Variants in KMT2C observed in about 807,000 individuals in gnomAD.
KMT2C encodes lysine methyltransferase 2C.
KMT2C carries 88 observed loss-of-function variants against 507.9 expected under a neutral mutation model. That is an observed-to-expected ratio of 0.17 (90% CI 0.15 to 0.21). The LOEUF (loss-of-function observed/expected upper bound fraction) is 0.21. Among genes scored for constraint, KMT2C ranks in the 10% least tolerant of loss-of-function variants. The pLI is 1.00. For synonymous variants in KMT2C, 2,049 were observed against 2,080.8 expected (o/e 0.98, Z 0.42); for missense variants, 4,954 against 5,957.8 (o/e 0.83, Z 5.55).
intron 14 of KMT2C, among the ~76,000 whole-genome samples, chr7:152,240,357 T>C (rs1243130528): frequency 6.6e-6 from 1 of 152,266 alleles, no homozygotes; most frequent in Non-Finnish European, 1.5e-5. Context: ...GCAGTCCACC[T>C]GTGGATATTT....
chr7:152,199,795 G>T (rs114732456), intron 26 of KMT2C, among the ~76,000 whole-genome samples: 1,809 of 152,220 alleles, frequency 0.012, 40 homozygotes, highest in African/African-American at 0.042. Context: ...GACAGCATAA[G>T]ACTTTGATCT....
At position 152,181,727 on chromosome 7, in the gene KMT2C, T is replaced by A. The variant is rs2093440787; in HGVS notation, c.6133A>T (p.Thr2045Ser). 1 of 1,613,674 alleles carries A rather than the reference T, an allele frequency of 6.2e-7. No homozygotes were observed. The highest frequency in any genetic ancestry group is 1.3e-5 in the African/African-American group (1 of 74,868). Residue 2045 changes from threonine (T) to serine (S), a missense_variant, in exon 36 of 59, where the codon ACT becomes TCT. Transcript: ENST00000262189. ...PLDSGPGPFK[T>S]PMQPPPSSQD... ...GAGGATGGAGGAGGTTGCATTGGAG[T>A]CTTAAAAGGTCCAGGACCACTATCA... is the stretch of plus-strand genomic sequence containing the variant.
At position 152,435,863 on chromosome 7, in the gene KMT2C, C is replaced by CGCT. The variant is rs1168596547; in HGVS notation, c.-80_-78dup. ...CCGCCGCCGCGGCCGCCGCCGCCGC[C>CGCT]GCTGCTGCTCGGGTTCCTCCTCCCC... On this transcript the variant is annotated 5_prime_UTR_variant, in exon 1 of 59. Coordinates refer to ENST00000262189, the MANE Select transcript of KMT2C (RefSeq NM_170606.3). The CGCT allele has an allele frequency of 2.4e-3, 3,146 of 1,309,638 alleles. 73 individuals carry two copies. The African/African-American group carries it at 0.043, about 18-fold the overall frequency. 81.1% of individuals were successfully genotyped at this position (1,309,638 alleles called of 1,614,324 possible). A position where few individuals can be genotyped will look rare whatever the true frequency, so the allele number is the denominator to read the frequency against.
At chr7:152,377,025 A>AAAATAATAAAT (rs71294472) in intron 1 of KMT2C, among the ~76,000 whole-genome samples, 17,950 of 150,920 alleles carry the variant, frequency 0.12, 1,731 homozygotes, top group African/African-American at 0.36. Flanking sequence ...GTCTCTTTTA[A>AAAATAATAAAT]AAATAATAAA....
chr7:152,202,584 T>A (rs1384940243), intron 26 of KMT2C, among the ~76,000 whole-genome samples: 1 of 152,210 alleles, frequency 6.6e-6, no homozygotes, highest in Non-Finnish European at 1.5e-5. Context: ...ATGTAACTTG[T>A]ATTGGCAAAG....
intron 1 of KMT2C, among the ~76,000 whole-genome samples, chr7:152,397,063 A>G (rs12671041): frequency 0.05 from 7,661 of 152,260 alleles, 325 homozygotes; most frequent in African/African-American, 0.11. Context: ...ACTAAGATCA[A>G]TCTCTAATCT....
intron 6 of KMT2C, among the ~76,000 whole-genome samples, chr7:152,297,089 G>C (rs1210741708): frequency 1.3e-5 from 2 of 149,904 alleles, no homozygotes; most frequent in Non-Finnish European, 3.0e-5. Context: ...GAGAGAGAGA[G>C]AGAGAAAGAA....
At chr7:152,363,730 C>A (rs2097214623) in intron 1 of KMT2C, among the ~76,000 whole-genome samples, 1 of 152,160 alleles carries the variant, frequency 6.6e-6, no homozygotes, top group Non-Finnish European at 1.5e-5. Context: ...ATTTGTGGGA[C>A]AGACTACCCA....
At position 152,162,927 on chromosome 7, in the gene KMT2C, C is replaced by T. The variant is rs778772558; in HGVS notation, c.10650G>A (p.Arg3550=). The change falls in exon 43 of 59, where the codon AGG becomes AGA. Residue 3550 remains arginine (R), a synonymous_variant. Coordinates refer to ENST00000262189, the MANE Select transcript of KMT2C (RefSeq NM_170606.3). ...CTGGTAAAGCAGGTGTAAAAGAAGG[C>T]CTCACTGGGGACTGCTGGAAGCTGG... ...SGTSFQQSPV[R]PSFTPALPAA... The T allele has an allele frequency of 1.2e-6, 2 of 1,614,110 alleles. No individual in the cohort carries two copies. Among genetic ancestry groups the T allele is most frequent in the South Asian group, 2.2e-5 (2 of 91,076 alleles).
chr7:152,346,892 C>T (rs565311834), intron 2 of KMT2C, among the ~76,000 whole-genome samples: 23 of 152,192 alleles, frequency 1.5e-4, no homozygotes, highest in South Asian at 4.2e-4. Flanking sequence ...TCTGGGAGGC[C>T]GAGGCGGGCG....
At chr7:152,427,780 T>A (rs1243258680) in intron 1 of KMT2C, among the ~76,000 whole-genome samples, 1 of 152,218 alleles carries the variant, frequency 6.6e-6, no homozygotes. Context: ...TAAATACTTA[T>A]CCTAATCGAT....
chr7:152,252,733 TAAAAAC>T lies in KMT2C; in HGVS notation c.1300-24_1300-19del. On this transcript the variant is annotated intron_variant, in intron 9 of 58. Transcript: ENST00000262189. ...CTGCAATTCTAAACACCAGGAAAAA[TAAAAAC>T]AAAAACAGTTTGTTATGCATTTGTA... The T allele has an allele frequency of 1.3e-6, 2 of 1,564,862 alleles. No individual in the cohort carries two copies. Among genetic ancestry groups the T allele is most frequent in the Non-Finnish European group, 1.7e-6 (2 of 1,148,308 alleles).
At chr7:152,240,903 T>A (rs2095370514) in intron 14 of KMT2C, among the ~76,000 whole-genome samples, 1 of 152,214 alleles carries the variant, frequency 6.6e-6, no homozygotes, top group Non-Finnish European at 1.5e-5. Context: ...ACCCTGCATC[T>A]ACTGAAGCCT....
At chr7:152,351,083 G>T (rs2097107068) in intron 2 of KMT2C, among the ~76,000 whole-genome samples, 5 of 152,128 alleles carry the variant, frequency 3.3e-5, no homozygotes, top group Admixed American at 3.3e-4. Context: ...TAACACACAA[G>T]GAGCTGTCAT....
intron 6 of KMT2C, among the ~76,000 whole-genome samples, chr7:152,290,952 A>C (rs2096416781): frequency 6.6e-6 from 1 of 152,116 alleles, no homozygotes; most frequent in Non-Finnish European, 1.5e-5. Flanking sequence ...AGAAATATGA[A>C]GGGCTAAAAG....
intron 1 of KMT2C, among the ~76,000 whole-genome samples, chr7:152,360,073 TGGGG>T (rs372111513): frequency 1.4e-4 from 2 of 14,748 alleles, no homozygotes; most frequent in African/African-American, 1.7e-4. Context: ...AAAAGGGGGG[TGGGG>T]GGGGGGGGAC....
chr7:152,163,247 T>A lies in KMT2C; in HGVS notation c.10330A>T (p.Ser3444Cys), dbSNP rs372413814. 1.6e-5 allele frequency: 26 copies of A among 1,614,108 alleles called. No individual in the cohort carries two copies. Among genetic ancestry groups the A allele is most frequent in the Non-Finnish European group, 1.4e-5 (17 of 1,180,034 alleles). ...HGMVGSEISS[S>C]RTSVSQIPFY... Reference sequence around the variant, plus strand: ...GGAATCTGGGACACAGATGTCCTACTACTACTTATCTCAGAGCCCACCATA... The same window carrying A: ...GGAATCTGGGACACAGATGTCCTACAACTACTTATCTCAGAGCCCACCATA... The change falls in exon 43 of 59, where the codon AGT (serine) becomes TGT (cysteine). Residue 3444 changes from serine (S) to cysteine (C), a missense_variant. By Grantham distance (112) the Ser-to-Cys change is moderately radical. This residue lies in a region of KMT2C where 801 missense variants were observed against 751.2 expected (regional missense o/e 1.07). Coordinates refer to ENST00000262189, the MANE Select transcript of KMT2C (RefSeq NM_170606.3).
intron 3 of KMT2C, 125 bp from the exon 4 acceptor site, chr7:152,315,463 AT>A: frequency 1.5e-6 from 1 of 654,522 alleles, no homozygotes; most frequent in Admixed American, 2.9e-5. Flanking sequence ...TTTTCAATCT[AT>A]TTTCTACAGT....
At chr7:152,338,228 G>T (rs1305966236) in intron 2 of KMT2C, among the ~76,000 whole-genome samples, 1 of 152,116 alleles carries the variant, frequency 6.6e-6, no homozygotes, top group African/African-American at 2.4e-5. Flanking sequence ...GAATTAATGA[G>T]AATAAAGAAG....
Sources: gnomAD v4.1 joint callset for allele counts (sites outside exome capture counted in the v4.1 genomes callset) on GRCh38, gnomAD v4.1.1 for gene constraint, gnomAD v4.1.1 regional missense constraint, MANE v1.5 for transcripts, NCBI Gene and HGNC (gene_info 2026-07-23, HGNC 2026-07-21) for gene names.